CYP3A5: variants seen among roughly 807,000 people sequenced by gnomAD.
The protein encoded by CYP3A5 is cytochrome P450 3A5.
A neutral mutation model predicts 55.9 loss-of-function variants in CYP3A5; 51 were observed. The observed-to-expected ratio is 0.91, with a 90% CI of 0.73 to 1.15. The LOEUF is 1.15. Ranked by LOEUF, CYP3A5 falls within the 50% of genes most tolerant of loss-of-function variation. The pLI, the probability that CYP3A5 is intolerant of heterozygous loss-of-function variation, is 0.00. For synonymous variants in CYP3A5, 196 were observed against 213.9 expected, an observed-to-expected ratio of 0.92 and a Z score of 0.73; for missense variants, 533 against 596.6, an observed-to-expected ratio of 0.89 and a Z score of 1.11.
At chr7:99,649,550 G>T (rs1353788921) in intron 12 of CYP3A5, among the ~76,000 whole-genome samples, 1 of 152,156 alleles carries the variant, frequency 6.6e-6, no homozygotes, top group Non-Finnish European at 1.5e-5. Flanking sequence ...TTGGCTTCAC[G>T]TGAGAACTAA....
At chr7:99,652,440 A>T in intron 11 of CYP3A5, 113 bp downstream of exon 11, 2 of 742,058 alleles carry the variant, frequency 2.7e-6, no homozygotes, top group Non-Finnish European at 4.3e-6. Flanking sequence ...TGATAAAAAG[A>T]CTTACAAGCA....
chr7:99,663,461 C>T (rs1180180989), intron 8 of CYP3A5: 1 of 989,994 alleles, frequency 1.0e-6, no homozygotes, highest in Non-Finnish European at 1.2e-6. Flanking sequence ...AGCCTTGCAA[C>T]CTCAATTCTC....
At chr7:99,679,786 G>A (rs369139182) in intron 1 of CYP3A5, 40 bp downstream of exon 1, 35 of 1,602,390 alleles carry the variant, frequency 2.2e-5, no homozygotes, top group Admixed American at 1.5e-4. Flanking sequence ...AGCACCCCAA[G>A]TCCAAGGAAA....
At chr7:99,676,546 T>C in intron 1 of CYP3A5, 1 of 1,361,114 alleles carries the variant, frequency 7.3e-7, no homozygotes, top group Non-Finnish European at 9.7e-7. Flanking sequence ...GTTTAGTAAG[T>C]GGACTCTTCG....
intron 1 of CYP3A5, 138 bp downstream of exon 1, chr7:99,679,688 A>G: frequency 1.4e-6 from 1 of 738,704 alleles, no homozygotes; most frequent in Admixed American, 2.5e-5. Flanking sequence ...AATAACTTCT[A>G]TGCGTTTGTA....
chr7:99,679,100 A>G (rs552500911), intron 1 of CYP3A5, among the ~76,000 whole-genome samples: 1 of 152,322 alleles, frequency 6.6e-6, no homozygotes, highest in Non-Finnish European at 1.5e-5. Context: ...AGACGGGAGG[A>G]AAAAGATTAA....
chr7:99,679,159 A>T (rs1812580287), intron 1 of CYP3A5, among the ~76,000 whole-genome samples: 2 of 152,258 alleles, frequency 1.3e-5, no homozygotes, highest in South Asian at 4.2e-4. Context: ...TTTGCTCTAG[A>T]GGTTAATCAT....
At chr7:99,657,303 A>T (rs1424937123) in intron 10 of CYP3A5, among the ~76,000 whole-genome samples, 1 of 152,202 alleles carries the variant, frequency 6.6e-6, no homozygotes, top group East Asian at 1.9e-4. Flanking sequence ...TGTTGGTTTC[A>T]AAGAACATCT....
chr7:99,663,851 C>T (rs1810690377), intron 8 of CYP3A5, 117 bp downstream of exon 8: 3 of 1,412,086 alleles, frequency 2.1e-6, no homozygotes, highest in Non-Finnish European at 2.8e-6. Context: ...TTCTCTTGTT[C>T]TAAACATAAG....
At chr7:99,672,729 G>A (rs949755267) in intron 3 of CYP3A5, 50 bp from the exon 4 acceptor site, 2 of 1,610,884 alleles carry the variant, frequency 1.2e-6, no homozygotes, top group Admixed American at 1.7e-5. Context: ...CGATTCTGCA[G>A]CTGGAGCCAC....
At chr7:99,657,505 A>G (rs1037420004) in intron 10 of CYP3A5, among the ~76,000 whole-genome samples, 3 of 152,200 alleles carry the variant, frequency 2.0e-5, no homozygotes, top group African/African-American at 7.2e-5. Context: ...ACTTCCAACT[A>G]TGTGGTTAAT....
chr7:99,663,427 C>T (rs1445244490), intron 8 of CYP3A5: 8 of 989,648 alleles, frequency 8.1e-6, no homozygotes, highest in African/African-American at 3.5e-5. Context: ...CTCTAGGGCT[C>T]GTGAAGGCAA....
At chr7:99,675,381 T>C (rs573743757) in intron 2 of CYP3A5, among the ~76,000 whole-genome samples, 1 of 152,204 alleles carries the variant, frequency 6.6e-6, no homozygotes, top group Non-Finnish European at 1.5e-5. Flanking sequence ...ATTACTGCTT[T>C]TATCGAGGGT....
chr7:99,668,312 C>T (rs77765786), intron 4 of CYP3A5, among the ~76,000 whole-genome samples: 4,833 of 152,132 alleles, frequency 0.032, 242 homozygotes, highest in African/African-American at 0.11. Context: ...ACTATATTCA[C>T]GGGATGAAAG....
In CYP3A5 at chr7:99,679,449, A is replaced by G. The variant is rs1584485104; in HGVS notation, c.71+377T>C. On this transcript the variant is annotated intron_variant, in intron 1 of 12. Transcript: ENST00000222982. ...AAAAATGCAAGCCACTCCTTCCTGT[A>G]CCCAGAATCCCCAGAGCCTGGGAAG... is the stretch of plus-strand genomic sequence containing the variant. Among the ~76,000 whole-genome samples, 6 of 152,284 alleles carry G rather than the reference A, an allele frequency of 3.9e-5. 1 individual carries two copies. The highest frequency in any genetic ancestry group is 3.9e-4 in the Admixed American group (6 of 15,296).
At chr7:99,673,014 C>T (rs1449215825) in intron 3 of CYP3A5, 1 of 393,826 alleles carries the variant, frequency 2.5e-6, no homozygotes, top group Non-Finnish European at 3.7e-6. Flanking sequence ...TCCTATGCCA[C>T]TCTCCATAAT....
intron 7 of CYP3A5, 141 bp from the exon 8 acceptor site, chr7:99,664,236 C>T (rs1050095063): frequency 8.7e-6 from 7 of 803,748 alleles, no homozygotes; most frequent in Non-Finnish European, 1.4e-5. Flanking sequence ...TCATGTTTGC[C>T]CTTCTTTCAG....
chr7:99,667,966 C>A (rs1032250748), intron 4 of CYP3A5, among the ~76,000 whole-genome samples: 4 of 152,060 alleles, frequency 2.6e-5, no homozygotes, highest in Non-Finnish European at 5.9e-5. Context: ...AAATAAAAGG[C>A]ATACAGATTG....
rs1470751559 is a variant in CYP3A5 at position 99,658,208 on chromosome 7, A to G, written c.1026+2291T>C. ...TCTTTACAATTTGGCATGTTTTTGC[A>G]GTGGCTGGTACCAGTTGTTCCTTTC... On this transcript the variant is annotated intron_variant, in intron 10 of 12. Coordinates refer to ENST00000222982, the MANE Select transcript of CYP3A5 (RefSeq NM_000777.5). Among the ~76,000 whole-genome samples the G allele has an allele frequency of 8.5e-5, 13 of 152,306 alleles. No individual in the cohort carries two copies. In the East Asian group the frequency reaches 2.5e-3, roughly 29 times the overall value.
Sources: allele counts gnomAD v4.1 joint callset (sites outside exome capture counted in the v4.1 genomes callset), GRCh38; gene constraint gnomAD v4.1.1; transcripts MANE v1.5; gene names NCBI Gene and HGNC (gene_info 2026-07-23, HGNC 2026-07-21).